The following KSR1 variants were observed in gnomAD, a reference collection of about 807,000 sequenced individuals.
The protein encoded by KSR1 is kinase suppressor of ras.
A neutral mutation model predicts 92.9 loss-of-function variants in KSR1; 35 were observed. The ratio of observed to expected loss-of-function variants is 0.38; its 90% CI spans 0.29 to 0.50. The LOEUF is 0.50. Among genes scored for constraint, KSR1 ranks in the 20% least tolerant of loss-of-function variants. The pLI is 0.94. For missense variants in KSR1, 972 were observed against 1,158.5 expected (o/e 0.84, Z 2.34); for synonymous variants, 467 against 472.6 (o/e 0.99, Z 0.15).
intron 1 of KSR1, among the ~76,000 whole-genome samples, chr17:27,528,162 G>A (rs1168406432): frequency 6.6e-6 from 1 of 152,148 alleles, no homozygotes; most frequent in Non-Finnish European, 1.5e-5. Context: ...GCCTACTGGG[G>A]TTCAAGCAAT....
At chr17:27,473,454 G>A (rs2020134763) in intron 1 of KSR1, among the ~76,000 whole-genome samples, 1 of 152,228 alleles carries the variant, frequency 6.6e-6, no homozygotes, top group Non-Finnish European at 1.5e-5. Flanking sequence ...TTCGCAGAAA[G>A]GAGGCTGCAA....
At chr17:27,554,348 G>A (rs1598014540) in intron 2 of KSR1, among the ~76,000 whole-genome samples, 1 of 152,170 alleles carries the variant, frequency 6.6e-6, no homozygotes, top group East Asian at 1.9e-4. Context: ...CATCCCCCAG[G>A]CCACTGACAG....
intron 1 of KSR1, among the ~76,000 whole-genome samples, chr17:27,471,852 C>G (rs905895224): frequency 3.9e-5 from 6 of 152,148 alleles, no homozygotes; most frequent in Admixed American, 3.3e-4. Context: ...CTCATCAGGC[C>G]GCGCAGCTGA....
At chr17:27,608,141 C>T (rs2073815636) in intron 15 of KSR1, 131 bp downstream of exon 15, 3 of 645,782 alleles carry the variant, frequency 4.6e-6, no homozygotes, top group South Asian at 3.7e-5. Flanking sequence ...TCAGGCTCCT[C>T]AAGGGTGGGA....
At chr17:27,539,883 T>C (rs2070894536) in intron 1 of KSR1, among the ~76,000 whole-genome samples, 1 of 152,246 alleles carries the variant, frequency 6.6e-6, no homozygotes, top group African/African-American at 2.4e-5. Flanking sequence ...ACCTTGGCTT[T>C]GCAGGTGGGA....
At chr17:27,617,273 C>T in intron 18 of KSR1, 22 bp from the exon 19 acceptor site, 2 of 1,598,626 alleles carry the variant, frequency 1.3e-6, no homozygotes, top group South Asian at 1.1e-5. Context: ...TCACACACCA[C>T]TAATGGCAGC....
chr17:27,501,779 G>A (rs566364623), intron 1 of KSR1, among the ~76,000 whole-genome samples: 180 of 152,362 alleles, frequency 1.2e-3, no homozygotes, highest in African/African-American at 1.9e-3. Flanking sequence ...GATTACAGGC[G>A]TGAGCCGCTG....
At chr17:27,509,713 G>T (rs1165643331) in intron 1 of KSR1, among the ~76,000 whole-genome samples, 2 of 152,236 alleles carry the variant, frequency 1.3e-5, no homozygotes, top group Non-Finnish European at 2.9e-5. Flanking sequence ...GGTTGTGCAT[G>T]CTTATAGTCC....
At chr17:27,594,313 A>G (rs551426907) in intron 9 of KSR1, among the ~76,000 whole-genome samples, 9 of 152,228 alleles carry the variant, frequency 5.9e-5, no homozygotes, top group South Asian at 2.1e-4. Flanking sequence ...GATAGGATCA[A>G]TTCCTCAGCA....
At chr17:27,597,134 T>A (rs2073369380) in intron 9 of KSR1, 134 bp from the exon 10 acceptor site, 1 of 936,322 alleles carries the variant, frequency 1.1e-6, no homozygotes, top group Admixed American at 2.3e-5. Flanking sequence ...AAATGTTAGA[T>A]GTGTAAAATG....
intron 1 of KSR1, among the ~76,000 whole-genome samples, chr17:27,510,352 T>TC (rs1233559900): frequency 3.4e-5 from 1 of 29,840 alleles, no homozygotes; most frequent in Non-Finnish European, 8.6e-5. Flanking sequence ...CCCTCATCTC[T>TC]AAAAGGGAGT....
At chr17:27,607,098 C>T (rs138356757) in intron 14 of KSR1, among the ~76,000 whole-genome samples, 121 of 152,264 alleles carry the variant, frequency 7.9e-4, no homozygotes, top group Non-Finnish European at 1.5e-3. Flanking sequence ...TCCCAAAGTG[C>T]TGAGATTACA....
chr17:27,574,476 G>A (rs557330055), intron 2 of KSR1, among the ~76,000 whole-genome samples: 14 of 152,258 alleles, frequency 9.2e-5, no homozygotes, highest in South Asian at 4.1e-4. Flanking sequence ...AAGTGGTGAT[G>A]TGATTCTTGC....
At chr17:27,475,565 G>A (rs187733171) in intron 1 of KSR1, among the ~76,000 whole-genome samples, 121 of 152,226 alleles carry the variant, frequency 7.9e-4, no homozygotes, top group African/African-American at 2.9e-3. Flanking sequence ...GAGCTCCCAC[G>A]GCAGGAGATC....
intron 1 of KSR1, among the ~76,000 whole-genome samples, chr17:27,486,746 A>G (rs896791999): frequency 2.6e-5 from 4 of 152,150 alleles, no homozygotes; most frequent in Non-Finnish European, 4.4e-5. Context: ...AGGAGGCACA[A>G]GCAAGGCGGG....
intron 1 of KSR1, among the ~76,000 whole-genome samples, chr17:27,504,241 G>A (rs1041634953): frequency 6.6e-6 from 1 of 152,170 alleles, no homozygotes; most frequent in African/African-American, 2.4e-5. Context: ...CAGCAGCTGT[G>A]CCCAGCCTGG....
rs1269282459 is a variant in KSR1, at chr17:27,603,830, C to T, written c.1511-4C>T. 4 of 1,613,954 alleles carry T rather than the reference C, an allele frequency of 2.5e-6. No homozygotes were observed. Among genetic ancestry groups the T allele is most frequent in the Non-Finnish European group, 3.4e-6 (4 of 1,179,866 alleles). On this transcript the variant is annotated splice_region_variant and splice_polypyrimidine_tract_variant and intron_variant, in intron 11 of 20. Transcript: ENST00000644974. Reference sequence around the variant, plus strand: ...GCTTTGTGTTTGGTTTTTGTTTCCTCCAGACATTTCAGCCTTTGCACACGC... The same window carrying T: ...GCTTTGTGTTTGGTTTTTGTTTCCTTCAGACATTTCAGCCTTTGCACACGC...
At chr17:27,603,566 ACCTGCCCAGATCC>A (rs528034934) in intron 11 of KSR1, among the ~76,000 whole-genome samples, 138 of 152,166 alleles carry the variant, frequency 9.1e-4, no homozygotes, top group African/African-American at 3.0e-3. Flanking sequence ...CACCCTCCCC[ACCTGCCCAGATCC>A]CCTGCCCAGA....
At chr17:27,458,371 G>A (rs2019279545) in intron 1 of KSR1, among the ~76,000 whole-genome samples, 1 of 152,174 alleles carries the variant, frequency 6.6e-6, no homozygotes. Flanking sequence ...AGTGTGCGTG[G>A]TTGGACTTCG....
Sources: gnomAD v4.1 joint callset for allele counts (sites outside exome capture counted in the v4.1 genomes callset) on GRCh38, gnomAD v4.1.1 for gene constraint, MANE v1.5 for transcripts, NCBI Gene and HGNC (gene_info 2026-07-23, HGNC 2026-07-21) for gene names.